GMDS: variants seen among roughly 807,000 people sequenced by gnomAD.
GMDS encodes the protein GDP-mannose 4,6 dehydratase.
GMDS carries 20 observed loss-of-function variants against 49.9 expected under a neutral mutation model. The observed-to-expected ratio is 0.40, with a 90% confidence interval of 0.28 to 0.58. GMDS has a LOEUF of 0.58. Among genes scored for constraint, GMDS ranks in the 20% least tolerant of loss-of-function variants. GMDS has a pLI of 0.42. For missense variants in GMDS, 362 were observed against 481.4 expected (o/e 0.75, Z 2.32); for synonymous variants, 177 against 178.6 (o/e 0.99, Z 0.07).
chr6:1,989,958 C>T (rs1190083193), intron 4 of GMDS, among the ~76,000 whole-genome samples: 1 of 152,244 alleles, frequency 6.6e-6, no homozygotes, highest in Non-Finnish European at 1.5e-5. Flanking sequence ...ATATTATTCA[C>T]CCTACAAGGC....
At chr6:2,057,016 T>C (rs978928883) in intron 4 of GMDS, among the ~76,000 whole-genome samples, 10 of 152,190 alleles carry the variant, frequency 6.6e-5, no homozygotes, top group Non-Finnish European at 1.2e-4. Context: ...CACTGTGAAA[T>C]GATCAAAATG....
At chr6:1,684,905 C>T (rs1181723745) in intron 9 of GMDS, among the ~76,000 whole-genome samples, 2 of 152,100 alleles carry the variant, frequency 1.3e-5, no homozygotes, top group Admixed American at 6.6e-5. Flanking sequence ...CTGTTAGTTG[C>T]CATTTAGAAT....
chr6:1,861,844 C>T (rs1758203126), intron 7 of GMDS, among the ~76,000 whole-genome samples: 1 of 152,112 alleles, frequency 6.6e-6, no homozygotes, highest in Admixed American at 6.5e-5. Context: ...TCTTTTCGGA[C>T]TTCACCTCTG....
Position 1,716,553 on chromosome 6 carries a change from C to T in GMDS, c.987+9863G>A, listed in dbSNP as rs7749700. ...GTGGCTAAGCTGCTGCACAGACAGGCTTGGAGGTGAGGCGGTGAAGAGGGG... is the reference window on the plus strand; with the variant it reads ...GTGGCTAAGCTGCTGCACAGACAGGTTTGGAGGTGAGGCGGTGAAGAGGGG... On this transcript the variant is annotated intron_variant, in intron 9 of 10. Coordinates refer to ENST00000380815, the MANE Select transcript of GMDS (RefSeq NM_001500.4). Among the ~76,000 whole-genome samples, 628 of 152,282 alleles carry T rather than the reference C, an allele frequency of 4.1e-3. 7 individuals carry two copies. The East Asian group carries it at 0.046, about 11-fold the overall frequency.
At chr6:1,673,116 T>A (rs1190163602) in intron 9 of GMDS, among the ~76,000 whole-genome samples, 2 of 152,200 alleles carry the variant, frequency 1.3e-5, no homozygotes, top group East Asian at 1.9e-4. Flanking sequence ...AGGTTTAAGA[T>A]CTCAGAGAGG....
chr6:1,802,033 T>C (rs1348371845), intron 7 of GMDS, among the ~76,000 whole-genome samples: 1 of 152,108 alleles, frequency 6.6e-6, no homozygotes, highest in Non-Finnish European at 1.5e-5. Context: ...AAATTGGGAG[T>C]TGGATATTTA....
intron 9 of GMDS, among the ~76,000 whole-genome samples, chr6:1,647,899 C>T (rs955937665): frequency 2.6e-5 from 4 of 152,214 alleles, no homozygotes; most frequent in African/African-American, 4.8e-5. Flanking sequence ...CAGAGTACAA[C>T]GATGCTAGCG....
chr6:1,932,688 T>C (rs1473149685), intron 6 of GMDS, among the ~76,000 whole-genome samples: 1 of 151,874 alleles, frequency 6.6e-6, no homozygotes, highest in East Asian at 1.9e-4. Context: ...CAGGTGCCCG[T>C]CACCACGCCC....
chr6:1,706,927 G>T (rs1765761136), intron 9 of GMDS, among the ~76,000 whole-genome samples: 1 of 152,162 alleles, frequency 6.6e-6, no homozygotes, highest in African/African-American at 2.4e-5. Context: ...AAACCTGAAG[G>T]AAATTGCTTT....
At chr6:1,737,726 A>C (rs1767066550) in intron 8 of GMDS, among the ~76,000 whole-genome samples, 1 of 144,544 alleles carries the variant, frequency 6.9e-6, no homozygotes, top group Non-Finnish European at 1.5e-5. Flanking sequence ...GACACACCAC[A>C]AACACACACA....
chr6:1,932,096 T>C (rs761095514), intron 6 of GMDS, among the ~76,000 whole-genome samples: 13 of 152,178 alleles, frequency 8.5e-5, no homozygotes, highest in Admixed American at 4.6e-4. Context: ...GGAGCTTGAA[T>C]GGAGTCTACC....
At chr6:2,016,984 C>G (rs1216570807) in intron 4 of GMDS, among the ~76,000 whole-genome samples, 1 of 151,548 alleles carries the variant, frequency 6.6e-6, no homozygotes, top group African/African-American at 2.4e-5. Flanking sequence ...TAAATTTCAT[C>G]TTGAGAAGCT....
Position 1,756,375 on chromosome 6 carries a change from T to G in GMDS, c.772-13789A>C, listed in dbSNP as rs1243736047. 2.0e-5 allele frequency among the ~76,000 whole-genome samples: 3 copies of G among 151,800 alleles called. No homozygotes were observed. In the East Asian group the frequency reaches 5.8e-4, roughly 30 times the overall value. ...GCCTCCCGTGTTCAAGCAATTCTCC[T>G]GCCTCAGCCTCCTGAGTAGCTGGAA... On this transcript the variant is annotated intron_variant, in intron 7 of 10. Transcript: ENST00000380815.
chr6:2,097,107 A>G (rs932630449), intron 4 of GMDS, among the ~76,000 whole-genome samples: 6 of 152,158 alleles, frequency 3.9e-5, no homozygotes, highest in African/African-American at 1.4e-4. Flanking sequence ...AGAAAAAAAA[A>G]GTTTGCAAAT....
intron 7 of GMDS, among the ~76,000 whole-genome samples, chr6:1,787,676 T>C (rs1043264777): frequency 6.6e-6 from 1 of 152,180 alleles, no homozygotes; most frequent in African/African-American, 2.4e-5. Flanking sequence ...GAAGAAGGTA[T>C]AAAAACATTT....
chr6:1,706,630 C>T (rs1010331436), intron 9 of GMDS, among the ~76,000 whole-genome samples: 1 of 152,226 alleles, frequency 6.6e-6, no homozygotes, highest in African/African-American at 2.4e-5. Flanking sequence ...CTGCTGTTAA[C>T]AGTTTTGCTG....
chr6:1,758,193 G>A (rs1013238292), intron 7 of GMDS, among the ~76,000 whole-genome samples: 38 of 152,318 alleles, frequency 2.5e-4, no homozygotes, highest in Middle Eastern at 3.4e-3. Flanking sequence ...GGGGCTTCTT[G>A]GAGAAGGCCT....
chr6:1,683,784 G>A (rs1377756617), intron 9 of GMDS, among the ~76,000 whole-genome samples: 1 of 152,192 alleles, frequency 6.6e-6, no homozygotes, highest in Admixed American at 6.5e-5. Context: ...GAAGTAGTAG[G>A]CTCTTGGCTT....
chr6:1,934,002 A>G (rs9405154), intron 6 of GMDS, among the ~76,000 whole-genome samples: 43,555 of 152,026 alleles, frequency 0.29, 6,888 homozygotes, highest in Middle Eastern at 0.35. Flanking sequence ...TGAGTTTTAT[A>G]GTTTTTCTTC....
Sources: allele counts gnomAD v4.1 joint callset (sites outside exome capture counted in the v4.1 genomes callset), GRCh38; gene constraint gnomAD v4.1.1; transcripts MANE v1.5; gene names NCBI Gene and HGNC (gene_info 2026-07-23, HGNC 2026-07-21).